ERCC8: variants seen among roughly 807,000 people sequenced by gnomAD.
The protein encoded by ERCC8 is ERCC excision repair 8, CSA ubiquitin ligase complex subunit.
A neutral mutation model predicts 54.9 loss-of-function variants in ERCC8; 52 were observed. The ratio of observed to expected loss-of-function variants is 0.95; its 90% CI spans 0.76 to 1.19. ERCC8 has a LOEUF of 1.19. ERCC8 is among the 50% of genes most tolerant of loss of function. The pLI, the probability that ERCC8 is intolerant of heterozygous loss-of-function variation, is 0.00. For missense variants in ERCC8, 514 were observed against 466.1 expected (o/e 1.10, Z -0.95); for synonymous variants, 146 against 157.2 (o/e 0.93, Z 0.53).
At position 60,874,138 on chromosome 5, in the gene ERCC8, G is replaced by A. The variant is rs1747927221; in HGVS notation, c.*477C>T. 1 of 152,906 alleles carries A rather than the reference G, an allele frequency of 6.5e-6. No homozygotes were observed. The highest frequency in any genetic ancestry group is 1.5e-5 in the Non-Finnish European group (1 of 68,580). 9.5% of individuals were successfully genotyped at this position (152,906 alleles called of 1,614,324 possible). A position where few individuals can be genotyped will look rare whatever the true frequency, so the allele number is the denominator to read the frequency against. ...AAACCACTGAAAAATGTGAATACAT[G>A]AAGAAGAAAGAATAAAATAATTTTG... On this transcript the variant is annotated 3_prime_UTR_variant, in exon 12 of 12. Coordinates refer to ENST00000676185, the MANE Select transcript of ERCC8 (RefSeq NM_000082.4).
chr5:60,918,463 T>G (rs1297887237), intron 3 of ERCC8, 75 bp from the exon 4 acceptor site: 36 of 1,324,796 alleles, frequency 2.7e-5, no homozygotes, highest in Non-Finnish European at 3.8e-5. Flanking sequence ...TAAGAACAAG[T>G]AGTAGTCTCA....
At position 60,870,619 on chromosome 5, in the gene ERCC8, G is replaced by A. The variant is rs369066254; in HGVS notation, c.*3996C>T. Among the ~76,000 whole-genome samples the A allele has an allele frequency of 7.3e-5, 11 of 150,842 alleles. No individual in the cohort carries two copies. Among genetic ancestry groups the A allele is most frequent in the Admixed American group, 4.0e-4 (6 of 15,098 alleles). On this transcript the variant is annotated 3_prime_UTR_variant, in exon 12 of 12. Transcript: ENST00000676185. Reference sequence around the variant, plus strand: ...GGAGGTTGCAGTGAGCTGAGATGGCGCCACTGCCCTCTAGTCTGGGTGACA... The same window carrying A: ...GGAGGTTGCAGTGAGCTGAGATGGCACCACTGCCCTCTAGTCTGGGTGACA...
chr5:60,926,423 T>C (rs915423772), intron 2 of ERCC8, among the ~76,000 whole-genome samples: 15 of 152,198 alleles, frequency 9.9e-5, no homozygotes, highest in Non-Finnish European at 1.6e-4. Context: ...GTTCATGAAC[T>C]AGTAGCATGT....
Position 60,867,908 on chromosome 5 carries a change from C to T in ERCC8, c.*6707G>A, listed in dbSNP as rs1208541177. 1.3e-5 allele frequency among the ~76,000 whole-genome samples: 2 copies of T among 152,214 alleles called. No homozygotes were observed. Among genetic ancestry groups the T allele is most frequent in the Non-Finnish European group, 2.9e-5 (2 of 68,044 alleles). ...TAAAGAGCTGACTACAGGCTGGCCG[C>T]GGTGGCTCATGCCTGTAATCCCTGC... On this transcript the variant is annotated 3_prime_UTR_variant, in exon 12 of 12. Transcript: ENST00000676185.
intron 2 of ERCC8, 36 bp from the exon 3 acceptor site, chr5:60,922,191 T>C: frequency 7.5e-7 from 1 of 1,336,706 alleles, no homozygotes; most frequent in Non-Finnish European, 1.1e-6. Context: ...TTTATCATTT[T>C]ATTTATTATT....
At chr5:60,899,945 C>T (rs1007653227) in intron 7 of ERCC8, among the ~76,000 whole-genome samples, 1 of 151,746 alleles carries the variant, frequency 6.6e-6, no homozygotes, top group African/African-American at 2.4e-5. Flanking sequence ...AGTAACCTTT[C>T]TTTTCCAGAT....
At chr5:60,904,621 A>AGTGTGT (rs35456838) in intron 5 of ERCC8, among the ~76,000 whole-genome samples, 171 bp downstream of exon 5, 6 of 63,846 alleles carry the variant, frequency 9.4e-5, no homozygotes, top group African/African-American at 4.7e-4. Context: ...GAATATATAT[A>AGTGTGT]GTGTGTGTGT....
intron 3 of ERCC8, among the ~76,000 whole-genome samples, chr5:60,920,365 T>C (rs1489535635): frequency 6.6e-6 from 1 of 152,038 alleles, no homozygotes; most frequent in Admixed American, 6.6e-5. Context: ...ATTTTTAATG[T>C]AGTGATAACA....
Position 60,928,894 on chromosome 5 carries a change from G to T in ERCC8, c.143C>A (p.Thr48Asn), listed in dbSNP as rs540126251. The T allele has an allele frequency of 1.2e-6, 2 of 1,605,486 alleles. No individual in the cohort carries two copies. Among genetic ancestry groups the T allele is most frequent in the Admixed American group, 1.7e-5 (1 of 60,002 alleles). ...CCCTTCAACAGGTTCAATGTCAAGG[G>T]TGTTAATTCCACCGCCGTGGATTCT... The part of the protein sequence containing the change: ...VERIHGGGIN[T>N]LDIEPVEGRY... Residue 48 changes from threonine (T) to asparagine (N), a missense_variant, in exon 2 of 12, where the codon ACC (threonine) becomes AAC (asparagine). By Grantham distance (65) the Thr-to-Asn change is moderately conservative (BLOSUM62 0). Coordinates refer to ENST00000676185, the MANE Select transcript of ERCC8 (RefSeq NM_000082.4).
chr5:60,913,401 T>C (rs933433476), intron 4 of ERCC8, among the ~76,000 whole-genome samples: 2 of 152,170 alleles, frequency 1.3e-5, no homozygotes, highest in African/African-American at 4.8e-5. Context: ...TTGTATTCTC[T>C]GATGGTAGTT....
chr5:60,879,446 T>A (rs1192367898), intron 11 of ERCC8, among the ~76,000 whole-genome samples: 1 of 152,226 alleles, frequency 6.6e-6, no homozygotes, highest in African/African-American at 2.4e-5. Flanking sequence ...GTCTTGTTGA[T>A]CTGTCTAATG....
intron 11 of ERCC8, among the ~76,000 whole-genome samples, chr5:60,880,360 C>T (rs755922328): frequency 7.9e-5 from 12 of 152,096 alleles, no homozygotes; most frequent in Admixed American, 2.0e-4. Flanking sequence ...TTGCTCTTCT[C>T]GAGGAGTATC....
In ERCC8 at chr5:60,869,743, A is replaced by G. The variant is rs1747823729; in HGVS notation, c.*4872T>C. On this transcript the variant is annotated 3_prime_UTR_variant, in exon 12 of 12. Transcript: ENST00000676185. ...TTATGGCTATGTTAATAAAATGTGCATTTATTATTTCTACATATTTTTTTA... is the reference window on the plus strand; with the variant it reads ...TTATGGCTATGTTAATAAAATGTGCGTTTATTATTTCTACATATTTTTTTA... Among the ~76,000 whole-genome samples, 2 of 152,200 alleles carry G rather than the reference A, an allele frequency of 1.3e-5. No individual in the cohort carries two copies. Among genetic ancestry groups the G allele is most frequent in the African/African-American group, 4.8e-5 (2 of 41,466 alleles).
At chr5:60,924,834 C>T (rs142645894) in intron 2 of ERCC8, among the ~76,000 whole-genome samples, 2,725 of 152,086 alleles carry the variant, frequency 0.018, 26 homozygotes, top group Middle Eastern at 0.079. Flanking sequence ...TTTAGTCAGT[C>T]TTCATTTCTG....
chr5:60,879,203 T>A (rs144002469), intron 11 of ERCC8, among the ~76,000 whole-genome samples: 3,651 of 152,326 alleles, frequency 0.024, 61 homozygotes, highest in Non-Finnish European at 0.037. Flanking sequence ...TAATCCTGAG[T>A]TCTAGTTTGA....
intron 11 of ERCC8, among the ~76,000 whole-genome samples, chr5:60,880,709 GCT>G (rs1178565598): frequency 4.6e-5 from 7 of 152,256 alleles, no homozygotes; most frequent in African/African-American, 1.7e-4. Context: ...ATGGTTTTCA[GCT>G]CCATCAGGTC....
rs893143777 is a variant in ERCC8 at position 60,869,324 on chromosome 5, A to G, written c.*5291T>C. ...AATAGTGATTTTGCTTTGAAAAATA[A>G]TTGAGATTAGTTTGCTGATGCAATA... On this transcript the variant is annotated 3_prime_UTR_variant, in exon 12 of 12. Transcript: ENST00000676185. 1.3e-5 allele frequency among the ~76,000 whole-genome samples: 2 copies of G among 152,142 alleles called. No individual in the cohort carries two copies. The highest frequency in any genetic ancestry group is 2.9e-5 in the Non-Finnish European group (2 of 68,014).
intron 4 of ERCC8, among the ~76,000 whole-genome samples, chr5:60,911,368 G>T (rs1749254614): frequency 6.6e-6 from 1 of 151,716 alleles, no homozygotes. Context: ...ATTTTTTCAT[G>T]TGTCTGTTGG....
intron 10 of ERCC8, among the ~76,000 whole-genome samples, chr5:60,888,400 T>C (rs887152370): frequency 6.6e-6 from 1 of 152,182 alleles, no homozygotes; most frequent in Non-Finnish European, 1.5e-5. Flanking sequence ...GATGCAAAGA[T>C]ATATATGTTC....
Sources: gnomAD v4.1 joint callset for allele counts (sites outside exome capture counted in the v4.1 genomes callset) on GRCh38, gnomAD v4.1.1 for gene constraint, MANE v1.5 for transcripts, NCBI Gene and HGNC (gene_info 2026-07-23, HGNC 2026-07-21) for gene names.